RFX4: variants seen among roughly 807,000 people sequenced by gnomAD.
RFX4 encodes transcription factor RFX4.
Under a neutral mutation model 95.0 loss-of-function variants are expected in RFX4, and 10 were observed. The ratio of observed to expected loss-of-function variants is 0.11; its 90% CI spans 0.06 to 0.18. The LOEUF (loss-of-function observed/expected upper bound fraction) is 0.18. RFX4 is among the 10% of genes least tolerant of loss of function. RFX4 has a pLI of 1.00. For synonymous variants in RFX4, 321 were observed against 340.7 expected (o/e 0.94, Z 0.64); for missense variants, 640 against 922.0 (o/e 0.69, Z 3.96).
At chr12:106,609,101 G>A (rs945981417) in intron 2 of RFX4, among the ~76,000 whole-genome samples, 1 of 152,186 alleles carries the variant, frequency 6.6e-6, no homozygotes, top group African/African-American at 2.4e-5. Context: ...GCAAAAACTT[G>A]CTGTTTACAT....
intron 2 of RFX4, among the ~76,000 whole-genome samples, chr12:106,636,390 C>CAA (rs34305367): frequency 0.17 from 13,210 of 76,508 alleles, 685 homozygotes; most frequent in South Asian, 0.21. Flanking sequence ...AACTCTGTCT[C>CAA]AAAAAAAAAA....
At chr12:106,696,073 G>A (rs1250431657) in intron 7 of RFX4, among the ~76,000 whole-genome samples, 1 of 152,200 alleles carries the variant, frequency 6.6e-6, no homozygotes, top group Non-Finnish European at 1.5e-5. Flanking sequence ...CCCCAGCAGT[G>A]TGCATGTTGC....
rs545047144 is a variant in RFX4, at chr12:106,608,137, C to T, written c.44-660C>T. ...CCGGGAGGCGGAGGTTGCAGTGAGC[C>T]GAGATCACGCCATTGCACTTCAGCC... On this transcript the variant is annotated intron_variant, in intron 1 of 17. Transcript: ENST00000392842. 2.4e-4 allele frequency among the ~76,000 whole-genome samples: 37 copies of T among 152,174 alleles called. 1 individual carries two copies. The South Asian group carries it at 7.5e-3, about 31-fold the overall frequency.
intron 10 of RFX4, 131 bp from the exon 11 acceptor site, chr12:106,715,269 T>G: frequency 1.9e-6 from 2 of 1,035,300 alleles, no homozygotes; most frequent in East Asian, 5.2e-5. Flanking sequence ...TTTCCTGAAA[T>G]TGAATTTCCC....
intron 4 of RFX4, among the ~76,000 whole-genome samples, chr12:106,669,236 C>A (rs1035532445): frequency 6.6e-6 from 1 of 152,280 alleles, no homozygotes; most frequent in Non-Finnish European, 1.5e-5. Context: ...CCCCCTCCCC[C>A]ACACTGGATC....
chr12:106,619,741 A>AT (rs530376246), intron 2 of RFX4, among the ~76,000 whole-genome samples: 49 of 152,004 alleles, frequency 3.2e-4, no homozygotes, highest in African/African-American at 1.2e-3. Flanking sequence ...ATTATACTTC[A>AT]TTTTTTTATG....
intron 11 of RFX4, 174 bp downstream of exon 11, chr12:106,715,718 C>T (rs1043150558): frequency 2.3e-5 from 16 of 706,026 alleles, no homozygotes; most frequent in Non-Finnish European, 3.0e-5. Flanking sequence ...GGCTGATTGA[C>T]TTGAGAGGAC....
intron 8 of RFX4, among the ~76,000 whole-genome samples, chr12:106,697,518 G>T (rs548095931): frequency 3.3e-5 from 5 of 151,498 alleles, no homozygotes; most frequent in Non-Finnish European, 5.9e-5. Context: ...ACAAACTGGC[G>T]GGGTGACTTA....
At chr12:106,650,314 C>T (rs11113070) in intron 3 of RFX4, among the ~76,000 whole-genome samples, 35,090 of 152,058 alleles carry the variant, frequency 0.23, 4,180 homozygotes, top group South Asian at 0.28. Flanking sequence ...TTTTATCTTC[C>T]CCACAGCTTG....
At chr12:106,619,893 T>A (rs1054815011) in intron 2 of RFX4, among the ~76,000 whole-genome samples, 2 of 152,192 alleles carry the variant, frequency 1.3e-5, no homozygotes, top group African/African-American at 4.8e-5. Flanking sequence ...TAATTTCAGA[T>A]ATTGTATTCT....
rs1280068979 is a variant in RFX4 at position 106,732,963 on chromosome 12, C to T, written c.1511C>T (p.Ala504Val). The T allele has an allele frequency of 6.2e-7, 1 of 1,614,156 alleles. No homozygotes were observed. The highest frequency in any genetic ancestry group is 2.2e-5 in the East Asian group (1 of 44,886). ...REEIILTEAAAPTPSPVPSFS... is the reference protein window; with the variant it reads ...REEIILTEAAVPTPSPVPSFS... ...GAGATCATCTTGACAGAGGCTGCCG[C>T]ACCAACCCCTTCACCAGTGCCATCG... is the stretch of plus-strand genomic sequence containing the variant. Residue 504 changes from alanine (A) to valine (V), a missense_variant, in exon 15 of 18, where the codon GCA becomes GTA. Physicochemically the swap from Ala to Val is moderately conservative, Grantham distance 64. Coordinates refer to ENST00000392842, the MANE Select transcript of RFX4 (RefSeq NM_213594.3).
chr12:106,750,523 G>A, intron 16 of RFX4, 132 bp from the exon 17 acceptor site: 1 of 915,504 alleles, frequency 1.1e-6, no homozygotes, highest in Non-Finnish European at 1.5e-6. Context: ...GGGATTGGGG[G>A]TGAAGGGGGG....
At chr12:106,668,502 G>A (rs916204738) in intron 4 of RFX4, among the ~76,000 whole-genome samples, 9 of 152,202 alleles carry the variant, frequency 5.9e-5, no homozygotes, top group Non-Finnish European at 1.0e-4. Context: ...AGGCTGAGGT[G>A]AGAGGATCAC....
In RFX4 at chr12:106,720,719, G is replaced by C; in HGVS notation, c.1234-40G>C. ...TCAAAGAGACAGTAATAAATGAAAG[G>C]TCAAGTCGACCACTATTAAAGCCAT... On this transcript the variant is annotated intron_variant, in intron 12 of 17. Coordinates refer to ENST00000392842, the MANE Select transcript of RFX4 (RefSeq NM_213594.3). The surrounding 1 kb of genome is among the most constrained non-coding windows in gnomAD (Gnocchi z 4.2). The C allele has an allele frequency of 6.3e-7, 1 of 1,576,172 alleles. No individual in the cohort carries two copies. The highest frequency in any genetic ancestry group is 8.7e-7 in the Non-Finnish European group (1 of 1,145,706).
chr12:106,733,926 C>T (rs117418380), intron 15 of RFX4, among the ~76,000 whole-genome samples: 9,256 of 152,240 alleles, frequency 0.061, 391 homozygotes, highest in South Asian at 0.13. Context: ...ACCACTGAAG[C>T]GTCTTATCGA....
intron 1 of RFX4, among the ~76,000 whole-genome samples, chr12:106,585,413 G>A (rs77256889): frequency 0.12 from 18,033 of 152,142 alleles, 1,276 homozygotes; most frequent in Non-Finnish European, 0.15. Context: ...ACATCCCTAG[G>A]TCACCACCCT....
At chr12:106,608,904 C>T (rs2039897253) in intron 2 of RFX4, 21 bp downstream of exon 2, 1 of 1,599,776 alleles carries the variant, frequency 6.3e-7, no homozygotes, top group Non-Finnish European at 8.5e-7. Flanking sequence ...GAAACTCATT[C>T]TTCCATGACA....
chr12:106,728,642 C>T (rs2042550377), intron 13 of RFX4, among the ~76,000 whole-genome samples: 1 of 152,154 alleles, frequency 6.6e-6, no homozygotes, highest in African/African-American at 2.4e-5. Flanking sequence ...CCTCTCTCCT[C>T]TTGTCTTTGG....
At chr12:106,744,521 A>G (rs759532624) in intron 15 of RFX4, among the ~76,000 whole-genome samples, 2 of 152,236 alleles carry the variant, frequency 1.3e-5, no homozygotes, top group Non-Finnish European at 2.9e-5. Flanking sequence ...TTCATAATGA[A>G]GAGTGTTTGC....
Sources: gnomAD v4.1 joint callset for allele counts (sites outside exome capture counted in the v4.1 genomes callset) on GRCh38, gnomAD v4.1.1 for gene constraint, Gnocchi (gnomAD v3.1) non-coding constraint, MANE v1.5 for transcripts, NCBI Gene and HGNC (gene_info 2026-07-23, HGNC 2026-07-21) for gene names.